SH3RF3: variants seen among roughly 807,000 people sequenced by gnomAD.
SH3RF3 encodes the protein E3 ubiquitin-protein ligase SH3RF3.
Under a neutral mutation model 66.3 loss-of-function variants are expected in SH3RF3, and 29 were observed. The ratio of observed to expected loss-of-function variants is 0.44; its 90% CI spans 0.33 to 0.60. The LOEUF (loss-of-function observed/expected upper bound fraction) is 0.60. SH3RF3 is among the 20% of genes least tolerant of loss of function. The pLI is 0.04. For synonymous variants in SH3RF3, 583 were observed against 532.0 expected (o/e 1.10, Z -1.32); for missense variants, 1,194 against 1,190.9 (o/e 1.00, Z -0.04).
At chr2:109,479,972 G>C (rs529424283) in intron 8 of SH3RF3, among the ~76,000 whole-genome samples, 2 of 152,226 alleles carry the variant, frequency 1.3e-5, no homozygotes, top group South Asian at 4.1e-4. Context: ...TGGTATGCAG[G>C]TGACATGTCC....
chr2:109,329,642 G>C (rs1682239236), intron 1 of SH3RF3, among the ~76,000 whole-genome samples: 1 of 152,240 alleles, frequency 6.6e-6, no homozygotes, highest in African/African-American at 2.4e-5. Flanking sequence ...CTTTAGCAGA[G>C]AGATTTGCAC....
intron 1 of SH3RF3, among the ~76,000 whole-genome samples, chr2:109,202,001 A>ACACAGGCACAGAACCTAGGC (rs1678686486): frequency 1.3e-5 from 2 of 152,332 alleles, no homozygotes; most frequent in East Asian, 1.9e-4. Context: ...AGGAAACGGG[A>ACACAGGCACAGAACCTAGGC]CACAGGCACA....
intron 1 of SH3RF3, among the ~76,000 whole-genome samples, chr2:109,155,337 G>A (rs1408665901): frequency 6.6e-6 from 1 of 152,168 alleles, no homozygotes; most frequent in Non-Finnish European, 1.5e-5. Context: ...GTCTCGCTCT[G>A]TTGCCCAGGC....
chr2:109,294,170 G>GT (rs1352765247), intron 1 of SH3RF3, among the ~76,000 whole-genome samples: 1 of 152,158 alleles, frequency 6.6e-6, no homozygotes, highest in African/African-American at 2.4e-5. Context: ...TTCTTCCACT[G>GT]TTTCAAAGGA....
At chr2:109,435,691 T>C (rs1677379824) in intron 6 of SH3RF3, among the ~76,000 whole-genome samples, 1 of 152,274 alleles carries the variant, frequency 6.6e-6, no homozygotes, top group African/African-American at 2.4e-5. Flanking sequence ...CAGATGTGTG[T>C]CTGTATCTGT....
intron 1 of SH3RF3, among the ~76,000 whole-genome samples, chr2:109,333,593 A>G (rs757842637): frequency 7.2e-5 from 11 of 152,198 alleles, no homozygotes; most frequent in African/African-American, 1.9e-4. Context: ...GGCTGCTACA[A>G]TGGCAGAGTT....
At chr2:109,241,144 C>CA (rs1265360889) in intron 1 of SH3RF3, among the ~76,000 whole-genome samples, 1 of 152,090 alleles carries the variant, frequency 6.6e-6, no homozygotes, top group African/African-American at 2.4e-5. Context: ...AGTCGACAGT[C>CA]AATGATGACA....
chr2:109,175,585 A>C (rs531771848), intron 1 of SH3RF3, among the ~76,000 whole-genome samples: 2 of 152,340 alleles, frequency 1.3e-5, no homozygotes, highest in South Asian at 4.1e-4. Context: ...GGAGCTGCAA[A>C]TCTGAAATCT....
intron 1 of SH3RF3, among the ~76,000 whole-genome samples, chr2:109,136,800 G>A (rs1380557955): frequency 6.6e-6 from 1 of 152,192 alleles, no homozygotes; most frequent in African/African-American, 2.4e-5. Flanking sequence ...ACAGGAATTC[G>A]GATCAGGAGG....
chr2:109,206,976 A>G (rs1158089299), intron 1 of SH3RF3, among the ~76,000 whole-genome samples: 2 of 152,174 alleles, frequency 1.3e-5, no homozygotes, highest in African/African-American at 2.4e-5. Context: ...ATGAACTTCA[A>G]CACACCTCTG....
chr2:109,400,944 C>G (rs1393252770), intron 4 of SH3RF3, among the ~76,000 whole-genome samples: 1 of 152,228 alleles, frequency 6.6e-6, no homozygotes, highest in Non-Finnish European at 1.5e-5. Flanking sequence ...AACTCCACTC[C>G]TGACCTGGGC....
At chr2:109,141,577 C>T (rs1023625732) in intron 1 of SH3RF3, 1 of 154,934 alleles carries the variant, frequency 6.5e-6, no homozygotes, top group African/African-American at 2.4e-5. Context: ...GCTGAAGCTC[C>T]AACCCACTGC....
rs181315637 is a variant in SH3RF3 at position 109,265,944 on chromosome 2, C to T, written c.574-81730C>T. On this transcript the variant is annotated intron_variant, in intron 1 of 9. Transcript: ENST00000309415. ...TTGAAGGAAACTTGAAATTACCCAC[C>T]GAGCCCTGGAGAAATCCTTGGGAGC... Among the ~76,000 whole-genome samples the T allele has an allele frequency of 2.2e-4, 34 of 152,242 alleles. No individual in the cohort carries two copies. In the East Asian group the frequency reaches 5.0e-3, roughly 22 times the overall value.
chr2:109,377,394 AAAGGCC>A (rs1458928648), intron 3 of SH3RF3, among the ~76,000 whole-genome samples: 14 of 152,274 alleles, frequency 9.2e-5, no homozygotes, highest in Non-Finnish European at 1.6e-4. Context: ...TAACCCAGAA[AAAGGCC>A]ATAGCGTCAG....
Position 109,137,776 on chromosome 2 carries a change from C to G in SH3RF3, c.573+7663C>G, listed in dbSNP as rs553115143. 8.5e-5 allele frequency among the ~76,000 whole-genome samples: 13 copies of G among 152,340 alleles called. No homozygotes were observed. The South Asian group carries it at 2.5e-3, about 29-fold the overall frequency. On this transcript the variant is annotated intron_variant, in intron 1 of 9. Transcript: ENST00000309415. ...CCTGATCAGCCGTTGTTTTTGCGTT[C>G]AAAGACTAATCGGTTAATCCTCCAA...
chr2:109,359,861 T>C (rs1456379188), intron 2 of SH3RF3, among the ~76,000 whole-genome samples: 3 of 152,090 alleles, frequency 2.0e-5, no homozygotes, highest in Non-Finnish European at 1.5e-5. Flanking sequence ...AGCACAACCA[T>C]AAAGGGTCAT....
At chr2:109,249,222 C>T (rs534294684) in intron 1 of SH3RF3, among the ~76,000 whole-genome samples, 4 of 152,306 alleles carry the variant, frequency 2.6e-5, no homozygotes, top group African/African-American at 7.2e-5. Context: ...AACTCCCCCC[C>T]GACTCCTACC....
At chr2:109,471,937 A>G (rs895437487) in intron 8 of SH3RF3, among the ~76,000 whole-genome samples, 1 of 152,170 alleles carries the variant, frequency 6.6e-6, no homozygotes, top group African/African-American at 2.4e-5. Context: ...AGTTCATGTA[A>G]CTTGGTCTGA....
chr2:109,459,392 T>G (rs1470886149), intron 8 of SH3RF3, among the ~76,000 whole-genome samples: 5 of 152,198 alleles, frequency 3.3e-5, no homozygotes, highest in Admixed American at 1.3e-4. Flanking sequence ...AAGCGCCTCA[T>G]CTGGGCATGG....
Sources: gnomAD v4.1 joint callset for allele counts (sites outside exome capture counted in the v4.1 genomes callset) on GRCh38, gnomAD v4.1.1 for gene constraint, MANE v1.5 for transcripts, NCBI Gene and HGNC (gene_info 2026-07-23, HGNC 2026-07-21) for gene names.